The following KAT6A variants were observed in gnomAD, a reference collection of about 807,000 sequenced individuals.
The protein encoded by KAT6A is histone acetyltransferase KAT6A.
In KAT6A, 9 loss-of-function variants were observed where a neutral mutation model predicts 198.4. The ratio of observed to expected loss-of-function variants is 0.05; its 90% CI spans 0.03 to 0.08. The LOEUF (loss-of-function observed/expected upper bound fraction) is 0.08. KAT6A is among the 10% of genes least tolerant of loss of function. The pLI is 1.00. For synonymous variants in KAT6A, 890 were observed against 883.0 expected (o/e 1.01, Z -0.14); for missense variants, 2,077 against 2,509.9 (o/e 0.83, Z 3.69).
chr8:42,036,556 T>C (rs1238021349), intron 2 of KAT6A, among the ~76,000 whole-genome samples: 1 of 151,834 alleles, frequency 6.6e-6, no homozygotes, highest in East Asian at 1.9e-4. Context: ...GAGGTTGCAG[T>C]GAGCAGAGAT....
chr8:42,015,719 A>T (rs2150911551), intron 2 of KAT6A, among the ~76,000 whole-genome samples: 1 of 152,332 alleles, frequency 6.6e-6, no homozygotes, highest in Non-Finnish European at 1.5e-5. Context: ...TTCAAAAAGC[A>T]TTTTGATTTC....
At chr8:42,032,189 C>A (rs535376019) in intron 2 of KAT6A, among the ~76,000 whole-genome samples, 1 of 152,222 alleles carries the variant, frequency 6.6e-6, no homozygotes, top group African/African-American at 2.4e-5. Context: ...TGTAGTCTTG[C>A]ACAACAGGCA....
chr8:41,980,856 A>G lies in KAT6A; in HGVS notation c.897T>C (p.Arg299=). ...GAAAGTATTTCTCACCTTTTGGCAT[A>G]CGGGTGAGTGGCGGATCACAACACT... ...HMECCDPPLT[R]MPKGMWICQI... Residue 299 remains arginine (R), a synonymous_variant, in exon 5 of 17, where the codon CGT becomes CGC. Coordinates refer to ENST00000265713, the MANE Select transcript of KAT6A (RefSeq NM_006766.5). 1 of 1,611,646 alleles carries G rather than the reference A, an allele frequency of 6.2e-7. No individual in the cohort carries two copies. The highest frequency in any genetic ancestry group is 8.5e-7 in the Non-Finnish European group (1 of 1,177,822).
At chr8:42,047,408 C>A (rs755503878) in intron 2 of KAT6A, among the ~76,000 whole-genome samples, 9 of 152,156 alleles carry the variant, frequency 5.9e-5, no homozygotes, top group Non-Finnish European at 1.2e-4. Flanking sequence ...TCCCAACTCT[C>A]CAGAACTTTA....
chr8:41,974,697 A>G lies in KAT6A; in HGVS notation c.1482+7T>C. ...CTTGATTGTCTAACCTGAATATCCA[A>G]CTTTACCTGCAGTGCTTGTTCTTGG... On this transcript the variant is annotated splice_region_variant and intron_variant, in intron 8 of 16. Coordinates refer to ENST00000265713, the MANE Select transcript of KAT6A (RefSeq NM_006766.5). 6.4e-7 allele frequency: 1 copy of G among 1,556,816 alleles called. No homozygotes were observed. The highest frequency in any genetic ancestry group is 8.8e-7 in the Non-Finnish European group (1 of 1,132,060).
intron 2 of KAT6A, among the ~76,000 whole-genome samples, chr8:42,013,186 T>A (rs1435673151): frequency 6.6e-6 from 1 of 151,816 alleles, no homozygotes; most frequent in Non-Finnish European, 1.5e-5. Flanking sequence ...AAAGAATGCA[T>A]TATTGCATGT....
intron 2 of KAT6A, among the ~76,000 whole-genome samples, chr8:41,989,533 G>A (rs1163793613): frequency 1.3e-5 from 2 of 150,574 alleles, no homozygotes. Context: ...AACGTAACGT[G>A]ACGTGACGTG....
At chr8:41,987,208 AACAG>A (rs1307546608) in intron 3 of KAT6A, among the ~76,000 whole-genome samples, 1 of 152,228 alleles carries the variant, frequency 6.6e-6, no homozygotes, top group Non-Finnish European at 1.5e-5. Context: ...GCCTATGAGC[AACAG>A]ACTACACCAC....
intron 2 of KAT6A, among the ~76,000 whole-genome samples, chr8:42,048,038 A>G (rs750991413): frequency 3.9e-5 from 6 of 152,078 alleles, no homozygotes; most frequent in African/African-American, 1.2e-4. Context: ...ACCTTTAGTT[A>G]AAGTTTTAAA....
intron 10 of KAT6A, among the ~76,000 whole-genome samples, chr8:41,948,356 TCTGA>T (rs1822498304): frequency 6.6e-6 from 1 of 152,150 alleles, no homozygotes; most frequent in South Asian, 2.1e-4. Flanking sequence ...AGCAATGCAA[TCTGA>T]CTACCATGAT....
intron 15 of KAT6A, 130 bp downstream of exon 15, chr8:41,940,712 G>A (rs1394600972): frequency 3.6e-6 from 4 of 1,106,412 alleles, no homozygotes; most frequent in East Asian, 2.4e-5. Context: ...AATATACAGA[G>A]GCTTAAGGTT....
At chr8:41,951,278 T>C (rs899228412) in intron 9 of KAT6A, among the ~76,000 whole-genome samples, 3 of 152,094 alleles carry the variant, frequency 2.0e-5, no homozygotes, top group African/African-American at 7.2e-5. Flanking sequence ...CTGAAAACAT[T>C]TTAAAAGCTC....
chr8:41,959,717 G>T (rs1481536470), intron 8 of KAT6A, among the ~76,000 whole-genome samples: 2 of 152,206 alleles, frequency 1.3e-5, no homozygotes, highest in Non-Finnish European at 2.9e-5. Context: ...CCAGCACTCT[G>T]GGAGGCCAAG....
chr8:41,968,317 C>T (rs1037806291), intron 8 of KAT6A, among the ~76,000 whole-genome samples: 103 of 152,064 alleles, frequency 6.8e-4, no homozygotes, highest in African/African-American at 2.3e-3. Flanking sequence ...GGGCAAAGGA[C>T]ATGAACAGAC....
intron 2 of KAT6A, among the ~76,000 whole-genome samples, chr8:41,998,362 T>G (rs1364636475): frequency 6.6e-6 from 1 of 152,150 alleles, no homozygotes; most frequent in African/African-American, 2.4e-5. Flanking sequence ...TGTTGGAAAG[T>G]GTTCATACTT....
intron 3 of KAT6A, among the ~76,000 whole-genome samples, chr8:41,983,490 T>G (rs900396499): frequency 4.6e-5 from 7 of 152,228 alleles, no homozygotes; most frequent in African/African-American, 1.7e-4. Context: ...TTAAGTAAAC[T>G]TTATATTCCT....
At chr8:42,041,878 C>A (rs147351462) in intron 2 of KAT6A, among the ~76,000 whole-genome samples, 1 of 152,120 alleles carries the variant, frequency 6.6e-6, no homozygotes, top group African/African-American at 2.4e-5. Context: ...TATCTTTTGC[C>A]TTCAGAAGAT....
chr8:42,031,653 G>A (rs1161479377), intron 2 of KAT6A, among the ~76,000 whole-genome samples: 3 of 131,528 alleles, frequency 2.3e-5, no homozygotes, highest in Non-Finnish European at 4.7e-5. Context: ...TTTTGGAGAC[G>A]GAGTCTAGCT....
At chr8:42,002,010 T>G (rs994819975) in intron 2 of KAT6A, among the ~76,000 whole-genome samples, 3 of 149,418 alleles carry the variant, frequency 2.0e-5, no homozygotes, top group Admixed American at 1.4e-4. Flanking sequence ...AAACGAGAGA[T>G]AAGACTAAAA....
Sources: allele counts gnomAD v4.1 joint callset (sites outside exome capture counted in the v4.1 genomes callset), GRCh38; gene constraint gnomAD v4.1.1; transcripts MANE v1.5; gene names NCBI Gene and HGNC (gene_info 2026-07-23, HGNC 2026-07-21).